AGBL4: variants seen among roughly 807,000 people sequenced by gnomAD.
AGBL4 encodes the protein cytosolic carboxypeptidase 6.
In AGBL4, 58 loss-of-function variants were observed where a neutral mutation model predicts 66.4. That is an observed-to-expected ratio of 0.87 (90% CI 0.71 to 1.09). The LOEUF (loss-of-function observed/expected upper bound fraction) is 1.09, where lower values mean the gene tolerates loss of function less well. Among genes scored for constraint, AGBL4 ranks in the 50% least tolerant of loss-of-function variants. The pLI, the probability that AGBL4 is intolerant of heterozygous loss-of-function variation, is 0.00. For synonymous variants in AGBL4, 234 were observed against 222.9 expected (o/e 1.05, Z -0.44); for missense variants, 579 against 631.0 (o/e 0.92, Z 0.88).
intron 3 of AGBL4, among the ~76,000 whole-genome samples, chr1:49,432,874 A>G (rs2148658771): frequency 6.6e-6 from 1 of 152,300 alleles, no homozygotes; most frequent in African/African-American, 2.4e-5. Flanking sequence ...GAACATACCA[A>G]AGAGGCATGA....
chr1:49,906,730 T>C (rs1436547510), intron 1 of AGBL4, among the ~76,000 whole-genome samples: 2 of 152,066 alleles, frequency 1.3e-5, no homozygotes, highest in Non-Finnish European at 2.9e-5. Flanking sequence ...AAACTGCATA[T>C]GTAAGTAAAC....
In AGBL4 at chr1:48,716,534, A is replaced by G. The variant is rs567565842; in HGVS notation, c.635-53293T>C. ...CCAGCTCAAGAGTGTGCCTTGCTTA[A>G]GAGCCATAGGGGAGAGACTGGGAGG... On this transcript the variant is annotated intron_variant, in intron 6 of 13. Transcript: ENST00000371839. Among the ~76,000 whole-genome samples, 24 of 152,164 alleles carry G rather than the reference A, an allele frequency of 1.6e-4. 1 individual carries two copies. In the South Asian group the frequency reaches 5.0e-3, roughly 32 times the overall value.
At chr1:49,342,518 T>C (rs1461320776) in intron 3 of AGBL4, among the ~76,000 whole-genome samples, 1 of 152,182 alleles carries the variant, frequency 6.6e-6, no homozygotes, top group African/African-American at 2.4e-5. Context: ...TAATTTCTCT[T>C]GGTCCCCACC....
intron 3 of AGBL4, among the ~76,000 whole-genome samples, chr1:49,397,646 C>T (rs1021715259): frequency 6.6e-6 from 1 of 152,062 alleles, no homozygotes; most frequent in Non-Finnish European, 1.5e-5. Context: ...AGCAAACAAA[C>T]AAACAATGAC....
chr1:49,479,473 T>C (rs754824334), intron 3 of AGBL4, among the ~76,000 whole-genome samples: 9 of 151,790 alleles, frequency 5.9e-5, no homozygotes, highest in African/African-American at 1.7e-4. Context: ...CACCCTCTGA[T>C]AGGCCCCGGT....
At chr1:49,225,828 T>A (rs1188911948) in intron 4 of AGBL4, among the ~76,000 whole-genome samples, 2 of 152,186 alleles carry the variant, frequency 1.3e-5, no homozygotes, top group Non-Finnish European at 2.9e-5. Context: ...TAGTTTACTG[T>A]AAGCCAATCC....
At chr1:49,472,420 C>T (rs774513027) in intron 3 of AGBL4, among the ~76,000 whole-genome samples, 6 of 151,860 alleles carry the variant, frequency 4.0e-5, no homozygotes, top group Non-Finnish European at 7.4e-5. Flanking sequence ...AATGCTTTAT[C>T]GAGCAAATAT....
chr1:49,256,859 G>A (rs1253844302), intron 3 of AGBL4, among the ~76,000 whole-genome samples: 1 of 152,156 alleles, frequency 6.6e-6, no homozygotes, highest in Non-Finnish European at 1.5e-5. Context: ...CAATATCGTA[G>A]ATCAGATGAA....
intron 5 of AGBL4, among the ~76,000 whole-genome samples, chr1:48,881,171 G>C (rs1474510870): frequency 4.6e-5 from 7 of 152,106 alleles, no homozygotes; most frequent in African/African-American, 1.4e-4. Flanking sequence ...TTGATTTCCA[G>C]TAGGATCACT....
chr1:49,502,477 C>T (rs938855162), intron 3 of AGBL4, among the ~76,000 whole-genome samples: 1 of 152,016 alleles, frequency 6.6e-6, no homozygotes, highest in Non-Finnish European at 1.5e-5. Context: ...AACTCAAAAA[C>T]AGGCAGAAGT....
chr1:49,269,708 C>T (rs1570289827), intron 3 of AGBL4, among the ~76,000 whole-genome samples: 1 of 152,176 alleles, frequency 6.6e-6, no homozygotes, highest in East Asian at 1.9e-4. Context: ...AGCTCCCATT[C>T]TTCCCATAAG....
chr1:48,960,055 G>A (rs192865754), intron 5 of AGBL4, among the ~76,000 whole-genome samples: 1 of 152,252 alleles, frequency 6.6e-6, no homozygotes, highest in East Asian at 1.9e-4. Flanking sequence ...GGAAGAGCAG[G>A]AGAAGGAGGC....
intron 4 of AGBL4, among the ~76,000 whole-genome samples, chr1:49,118,408 T>C (rs779213842): frequency 2.6e-5 from 4 of 152,236 alleles, no homozygotes; most frequent in Non-Finnish European, 4.4e-5. Flanking sequence ...TGTAGTTTAT[T>C]GAGAGTTTTT....
intron 2 of AGBL4, among the ~76,000 whole-genome samples, chr1:49,742,833 A>G (rs1310450520): frequency 6.6e-6 from 1 of 152,194 alleles, no homozygotes; most frequent in African/African-American, 2.4e-5. Context: ...TGGTGCTGGG[A>G]AAACTGGCTA....
chr1:49,003,086 G>T (rs1461185537), intron 5 of AGBL4, among the ~76,000 whole-genome samples: 3 of 152,156 alleles, frequency 2.0e-5, no homozygotes, highest in Admixed American at 6.5e-5. Context: ...AAGAATGAAT[G>T]ACTTGATGAA....
At chr1:49,517,349 A>G (rs1649910514) in intron 3 of AGBL4, among the ~76,000 whole-genome samples, 1 of 151,888 alleles carries the variant, frequency 6.6e-6, no homozygotes, top group South Asian at 2.1e-4. Context: ...CAGGGTAGAA[A>G]TGGGTATTTC....
intron 3 of AGBL4, among the ~76,000 whole-genome samples, chr1:49,474,186 G>A (rs1031021703): frequency 6.6e-6 from 1 of 152,058 alleles, no homozygotes; most frequent in Non-Finnish European, 1.5e-5. Context: ...TAATTGGATA[G>A]AAATAGCATT....
At chr1:49,493,247 C>T (rs560071834) in intron 3 of AGBL4, among the ~76,000 whole-genome samples, 7 of 151,936 alleles carry the variant, frequency 4.6e-5, no homozygotes, top group Non-Finnish European at 1.0e-4. Context: ...TATGTTAATG[C>T]TTACTACAAT....
intron 5 of AGBL4, among the ~76,000 whole-genome samples, chr1:49,011,952 A>C (rs1256327092): frequency 6.6e-6 from 1 of 151,758 alleles, no homozygotes; most frequent in Non-Finnish European, 1.5e-5. Context: ...TAGTGGGTGC[A>C]GCACACCAGC....
Sources: allele counts gnomAD v4.1 joint callset (sites outside exome capture counted in the v4.1 genomes callset), GRCh38; gene constraint gnomAD v4.1.1; transcripts MANE v1.5; gene names NCBI Gene and HGNC (gene_info 2026-07-23, HGNC 2026-07-21).